Variants in NCAPD2 observed in about 807,000 individuals in gnomAD.
NCAPD2 encodes the protein condensin complex subunit 1.
NCAPD2 carries 100 observed loss-of-function variants against 164.5 expected under a neutral mutation model. The observed-to-expected ratio is 0.61, with a 90% CI of 0.52 to 0.72. The LOEUF (loss-of-function observed/expected upper bound fraction) is 0.72. NCAPD2 is among the 30% of genes least tolerant of loss of function. NCAPD2 has a pLI of 0.00. For synonymous variants in NCAPD2, 585 were observed against 642.6 expected, an observed-to-expected ratio of 0.91 and a Z score of 1.36; for missense variants, 1,560 against 1,749.2, an observed-to-expected ratio of 0.89 and a Z score of 1.93.
chr12:6,518,990 A>G (rs1478861893), intron 13 of NCAPD2, among the ~76,000 whole-genome samples: 2 of 150,926 alleles, frequency 1.3e-5, no homozygotes, highest in Non-Finnish European at 3.0e-5. Context: ...GGTTCACGCC[A>G]TTCTCCTGCC....
intron 13 of NCAPD2, among the ~76,000 whole-genome samples, chr12:6,518,504 G>GTTTTTTTTTTGTTT (rs1946226760): frequency 2.2e-5 from 1 of 44,774 alleles, no homozygotes; most frequent in Non-Finnish European, 3.9e-5. Context: ...CCGTCAACAA[G>GTTTTTTTTTTGTTT]TTTTTTTTTT....
chr12:6,514,810 G>C lies in NCAPD2; in HGVS notation c.877G>C (p.Asp293His). Residue 293 changes from aspartate to histidine, a missense_variant, in exon 9 of 32, where the codon GAC becomes CAC. Coordinates refer to ENST00000315579, the MANE Select transcript of NCAPD2 (RefSeq NM_014865.4). Reference sequence around the variant, plus strand: ...AAAGTGTCCCCAAGAGCTGAGTCGAGACCCTTCAGGGACAAAGGGCTTTGC... The same window carrying C: ...AAAGTGTCCCCAAGAGCTGAGTCGACACCCTTCAGGGACAAAGGGCTTTGC... ...GQKCPQELSR[D>H]PSGTKGFAAF... 1 of 1,614,218 alleles carries C rather than the reference G, an allele frequency of 6.2e-7. No individual in the cohort carries two copies. The highest frequency in any genetic ancestry group is 8.5e-7 in the Non-Finnish European group (1 of 1,180,040).
At position 6,522,004 on chromosome 12, in the gene NCAPD2, A is replaced by G. The variant is rs1455677887; in HGVS notation, c.1921A>G (p.Ile641Val). 1.2e-6 allele frequency: 2 copies of G among 1,614,192 alleles called. No individual in the cohort carries two copies. The highest frequency in any genetic ancestry group is 8.5e-7 in the Non-Finnish European group (1 of 1,180,018). Residue 641 changes from isoleucine (I) to valine (V), a missense_variant, in exon 15 of 32, where the codon ATC becomes GTC. Physicochemically the swap from Ile to Val is conservative, Grantham distance 29. Coordinates refer to ENST00000315579, the MANE Select transcript of NCAPD2 (RefSeq NM_014865.4). ...GAAGATTACAGAGGCCATTGGCATC[A>G]TCAGCAAGATGATGTATGAAAACAC... ...SRKITEAIGI[I>V]SKMMYENTTT...
chr12:6,509,677 C>G, intron 2 of NCAPD2, 40 bp from the exon 3 acceptor site: 4 of 1,570,930 alleles, frequency 2.5e-6, no homozygotes, highest in Non-Finnish European at 3.5e-6. Flanking sequence ...GAAAAGGTTT[C>G]TCTTCCCTCC....
At chr12:6,504,206 T>TAGATATAG (rs1345172579) in intron 2 of NCAPD2, among the ~76,000 whole-genome samples, 1 of 25,242 alleles carries the variant, frequency 4.0e-5, no homozygotes, top group Non-Finnish European at 6.1e-5. Context: ...TATATATATA[T>TAGATATAG]ATATATATAT....
chr12:6,506,929 C>T (rs1012501477), intron 2 of NCAPD2, among the ~76,000 whole-genome samples: 5 of 152,208 alleles, frequency 3.3e-5, no homozygotes, highest in East Asian at 3.9e-4. Context: ...TCGTATTGTT[C>T]GAAGATTAAT....
At chr12:6,529,338 G>A (rs568154788) in intron 27 of NCAPD2, 175 bp from the exon 28 acceptor site, 47 of 649,202 alleles carry the variant, frequency 7.2e-5, no homozygotes, top group African/African-American at 6.2e-4. Flanking sequence ...AGCCGGGGGC[G>A]GGGTGGGGTC....
At position 6,519,484 on chromosome 12, in the gene NCAPD2, C is replaced by T. The variant is rs529353875; in HGVS notation, c.1590-1502C>T. 1.6e-4 allele frequency among the ~76,000 whole-genome samples: 24 copies of T among 152,270 alleles called. No homozygotes were observed. In the East Asian group the frequency reaches 3.7e-3, roughly 23 times the overall value. On this transcript the variant is annotated intron_variant, in intron 13 of 31. Transcript: ENST00000315579. ...CTCAAGCGATCTCCCACATTAGCCTCCTGAGTAGCCTGGTTAATTTATTTA... is the reference window on the plus strand; with the variant it reads ...CTCAAGCGATCTCCCACATTAGCCTTCTGAGTAGCCTGGTTAATTTATTTA...
Position 6,496,556 on chromosome 12 carries a change from C to T in NCAPD2, c.127+1331C>T, listed in dbSNP as rs562844596. On this transcript the variant is annotated intron_variant, in intron 2 of 31. Transcript: ENST00000315579. The stretch of plus-strand genomic sequence containing the variant: ...CCTCTCACCTCAGCCTCCCAAGCAG[C>T]TGGGATCACAGACATGCACCACCAT... Among the ~76,000 whole-genome samples, 5 of 152,222 alleles carry T rather than the reference C, an allele frequency of 3.3e-5. No homozygotes were observed. The South Asian group carries it at 8.3e-4, about 25-fold the overall frequency.
Position 6,526,298 on chromosome 12 carries a change from C to G in NCAPD2, c.2493C>G (p.Gly831=), listed in dbSNP as rs1006899337. The change falls in exon 20 of 32, where the codon GGC becomes GGG. Residue 831 remains glycine, a synonymous_variant. Coordinates refer to ENST00000315579, the MANE Select transcript of NCAPD2 (RefSeq NM_014865.4). ...CTTGCTCTCCACAGCCTTCTCTGGGCAAACGTCACCCCCCCTTCCGGCTGC... is the reference window on the plus strand; with the variant it reads ...CTTGCTCTCCACAGCCTTCTCTGGGGAAACGTCACCCCCCCTTCCGGCTGC... ...NISDRRKPSL[G]KRHPPFRLPQ... The G allele has an allele frequency of 6.2e-7, 1 of 1,614,212 alleles. No individual in the cohort carries two copies. Among genetic ancestry groups the G allele is most frequent in the African/African-American group, 1.3e-5 (1 of 75,048 alleles).
chr12:6,525,866 G>A (rs1946312554), intron 18 of NCAPD2, 150 bp downstream of exon 18: 1 of 1,277,972 alleles, frequency 7.8e-7, no homozygotes, highest in Non-Finnish European at 1.1e-6. Flanking sequence ...CAAATAGTGA[G>A]AGGACCAGCC....
chr12:6,506,463 G>A (rs564603067), intron 2 of NCAPD2, among the ~76,000 whole-genome samples: 118 of 151,974 alleles, frequency 7.8e-4, no homozygotes, highest in Middle Eastern at 3.4e-3. Context: ...GGTGGCGGGC[G>A]CCGGTAGTCC....
At chr12:6,523,796 C>G (rs1274253566) in intron 17 of NCAPD2, among the ~76,000 whole-genome samples, 1 of 152,172 alleles carries the variant, frequency 6.6e-6, no homozygotes, top group Non-Finnish European at 1.5e-5. Context: ...TTAAAGGAAC[C>G]AACAGTCTAG....
intron 6 of NCAPD2, among the ~76,000 whole-genome samples, chr12:6,513,308 A>T (rs1168438582): frequency 6.6e-6 from 1 of 152,184 alleles, no homozygotes; most frequent in Non-Finnish European, 1.5e-5. Context: ...TGGGAGGCTG[A>T]GGCAGGAGGA....
At chr12:6,508,149 C>A (rs1592168038) in intron 2 of NCAPD2, among the ~76,000 whole-genome samples, 1 of 152,056 alleles carries the variant, frequency 6.6e-6, no homozygotes, top group African/African-American at 2.4e-5. Flanking sequence ...GGTGCAACCC[C>A]GTCTCTACTA....
chr12:6,495,706 T>G (rs1412305792), intron 2 of NCAPD2, among the ~76,000 whole-genome samples: 1 of 152,254 alleles, frequency 6.6e-6, no homozygotes, highest in East Asian at 1.9e-4. Flanking sequence ...CTGAAACCTG[T>G]AAATGATCAA....
Position 6,504,194 on chromosome 12 carries a change from T to C in NCAPD2, c.128-5523T>C, listed in dbSNP as rs1266014680. Among the ~76,000 whole-genome samples, 15 of 33,570 alleles carry C rather than the reference T, an allele frequency of 4.5e-4. 1 individual carries two copies. In the Admixed American group the frequency reaches 5.3e-3, roughly 12 times the overall value. 22.0% of individuals were successfully genotyped at this position (33,570 alleles called of 152,430 possible). A position where few individuals can be genotyped will look rare whatever the true frequency, so the allele number is the denominator to read the frequency against. ...ACATATATATATACATATATATATA[T>C]ATATATATATATATATATATATAGA... On this transcript the variant is annotated intron_variant, in intron 2 of 31. Coordinates refer to ENST00000315579, the MANE Select transcript of NCAPD2 (RefSeq NM_014865.4).
intron 2 of NCAPD2, 101 bp downstream of exon 2, chr12:6,495,326 A>G (rs1212683721): frequency 7.0e-7 from 1 of 1,428,414 alleles, no homozygotes; most frequent in Non-Finnish European, 9.6e-7. Flanking sequence ...AGGAAGCATC[A>G]TAAGAGCAAG....
chr12:6,513,715 C>CTTTTTTTTTTTTTTTTTT (rs71067124), intron 6 of NCAPD2, among the ~76,000 whole-genome samples: 3,605 of 74,764 alleles, frequency 0.048, 936 homozygotes, highest in Non-Finnish European at 0.061. Flanking sequence ...GTGACTTTGT[C>CTTTTTTTTTTTTTTTTTT]TTTTTTTTTT....
Sources: allele counts gnomAD v4.1 joint callset (sites outside exome capture counted in the v4.1 genomes callset), GRCh38; gene constraint gnomAD v4.1.1; transcripts MANE v1.5; gene names NCBI Gene and HGNC (gene_info 2026-07-23, HGNC 2026-07-21).